IFT80: variants seen among roughly 807,000 people sequenced by gnomAD.
IFT80 encodes the protein intraflagellar transport protein 80 homolog.
A neutral mutation model predicts 107.9 loss-of-function variants in IFT80; 79 were observed. The observed-to-expected ratio is 0.73, with a 90% confidence interval of 0.61 to 0.88. The LOEUF (loss-of-function observed/expected upper bound fraction) is 0.88. IFT80 is among the 40% of genes least tolerant of loss of function. IFT80 has a pLI of 0.00. For synonymous variants in IFT80, 299 were observed against 300.9 expected (o/e 0.99, Z 0.07); for missense variants, 797 against 914.2 (o/e 0.87, Z 1.65).
chr3:160,316,363 A>G (rs540435857), intron 9 of IFT80, among the ~76,000 whole-genome samples: 2 of 152,334 alleles, frequency 1.3e-5, no homozygotes, highest in South Asian at 4.1e-4. Context: ...AGATAAAACT[A>G]AAGTCCTGGT....
At chr3:160,354,348 T>G (rs1720914318) in intron 8 of IFT80, among the ~76,000 whole-genome samples, 2 of 151,974 alleles carry the variant, frequency 1.3e-5, no homozygotes, top group Admixed American at 1.3e-4. Flanking sequence ...AGACAGGCCT[T>G]TAAGAATGAG....
At position 160,373,057 on chromosome 3, in the gene IFT80, T is replaced by C. The variant is rs145018682; in HGVS notation, c.439+2755A>G. Among the ~76,000 whole-genome samples the C allele has an allele frequency of 1.3e-3, 199 of 152,264 alleles. 1 individual carries two copies. The highest frequency in any genetic ancestry group is 4.6e-3 in the African/African-American group (191 of 41,564). On this transcript the variant is annotated intron_variant, in intron 5 of 19. Coordinates refer to ENST00000326448, the MANE Select transcript of IFT80 (RefSeq NM_020800.3). Reference sequence around the variant, plus strand: ...TTAGGCAATAGCTTCATCACTAGAATATCAAAAGCAGAAGCAAATTTTGTA... The same window carrying C: ...TTAGGCAATAGCTTCATCACTAGAACATCAAAAGCAGAAGCAAATTTTGTA...
rs138914096 is a variant in IFT80, at chr3:160,270,040, G to A, written c.2100-1504C>T. On this transcript the variant is annotated intron_variant, in intron 18 of 19. Coordinates refer to ENST00000326448, the MANE Select transcript of IFT80 (RefSeq NM_020800.3). ...TTTTTAGATGGAGTCTCATTCTGCC[G>A]CCCAGGCTGGAGTGCAGTGGCATGA... Among the ~76,000 whole-genome samples, 65 of 152,066 alleles carry A rather than the reference G, an allele frequency of 4.3e-4. 1 individual carries two copies. In the East Asian group the frequency reaches 9.5e-3, roughly 22 times the overall value.
intron 1 of IFT80, among the ~76,000 whole-genome samples, chr3:160,397,938 C>G (rs1196393377): frequency 6.6e-6 from 1 of 151,954 alleles, no homozygotes; most frequent in East Asian, 1.9e-4. Context: ...TCAGGCTGGT[C>G]TCGAACTCCC....
intron 19 of IFT80, among the ~76,000 whole-genome samples, chr3:160,263,283 C>T (rs1713010786): frequency 6.6e-6 from 1 of 152,156 alleles, no homozygotes; most frequent in African/African-American, 2.4e-5. Flanking sequence ...TAATCGTACC[C>T]TTTCCATTTC....
At chr3:160,291,579 G>C (rs754953155) in intron 12 of IFT80, among the ~76,000 whole-genome samples, 13 of 152,214 alleles carry the variant, frequency 8.5e-5, no homozygotes, top group Non-Finnish European at 1.6e-4. Context: ...CATTTTATTT[G>C]TAAGGCCATT....
chr3:160,307,901 A>G (rs1429793427), intron 9 of IFT80, 120 bp from the exon 10 acceptor site: 3 of 662,488 alleles, frequency 4.5e-6, no homozygotes, highest in Non-Finnish European at 8.1e-6. Context: ...CTAATCATAT[A>G]AAAAAGAATT....
intron 8 of IFT80, among the ~76,000 whole-genome samples, chr3:160,322,186 TC>T (rs1718286003): frequency 8.2e-6 from 1 of 121,900 alleles, no homozygotes. Context: ...CCCTCCTCCC[TC>T]CCCCGACCCC....
intron 19 of IFT80, among the ~76,000 whole-genome samples, chr3:160,258,988 G>C (rs899146958): frequency 8.6e-5 from 13 of 151,932 alleles, no homozygotes; most frequent in African/African-American, 2.9e-4. Context: ...CACACCTGTA[G>C]TCCCAGCTAT....
At chr3:160,360,929 G>C (rs527607411) in intron 6 of IFT80, among the ~76,000 whole-genome samples, 17 of 152,058 alleles carry the variant, frequency 1.1e-4, no homozygotes, top group Non-Finnish European at 2.2e-4. Context: ...GACCATTGAT[G>C]CTAGGAAGCA....
chr3:160,282,743 T>C (rs1382398687), intron 13 of IFT80, 130 bp from the exon 14 acceptor site: 2 of 656,600 alleles, frequency 3.0e-6, no homozygotes, highest in Non-Finnish European at 5.2e-6. Flanking sequence ...TGATAAAATG[T>C]CCCTGTTAAA....
At chr3:160,339,660 T>C (rs555695138) in intron 8 of IFT80, among the ~76,000 whole-genome samples, 1 of 152,174 alleles carries the variant, frequency 6.6e-6, no homozygotes, top group East Asian at 1.9e-4. Context: ...TTGATACAAA[T>C]AATTTCTAAA....
intron 8 of IFT80, 37 bp from the exon 9 acceptor site, chr3:160,319,976 G>GA: frequency 1.6e-5 from 25 of 1,569,862 alleles, no homozygotes; most frequent in South Asian, 8.0e-5. Context: ...TGGACTTACT[G>GA]AAAAAAAATT....
At chr3:160,375,920 T>C (rs1427866733) in intron 4 of IFT80, 40 bp from the exon 5 acceptor site, 6 of 1,313,880 alleles carry the variant, frequency 4.6e-6, no homozygotes, top group Middle Eastern at 1.9e-4. Context: ...TTTTTACCTA[T>C]AGAAAATAAA....
intron 18 of IFT80, among the ~76,000 whole-genome samples, chr3:160,269,737 C>T (rs949285606): frequency 6.6e-6 from 1 of 152,174 alleles, no homozygotes; most frequent in African/African-American, 2.4e-5. Flanking sequence ...CGGGAACAAT[C>T]CAGTGGACTA....
intron 8 of IFT80, among the ~76,000 whole-genome samples, chr3:160,321,646 TAATAC>T (rs1718227440): frequency 6.6e-6 from 1 of 151,858 alleles, no homozygotes; most frequent in African/African-American, 2.4e-5. Context: ...CAATGTCTAA[TAATAC>T]AATAGAACAA....
At chr3:160,273,857 C>A (rs1159658849) in intron 18 of IFT80, among the ~76,000 whole-genome samples, 1 of 152,128 alleles carries the variant, frequency 6.6e-6, no homozygotes, top group East Asian at 1.9e-4. Flanking sequence ...AGATCTCTAC[C>A]AGCACCTGAC....
At chr3:160,264,118 T>C (rs141903442) in intron 19 of IFT80, among the ~76,000 whole-genome samples, 77 of 150,002 alleles carry the variant, frequency 5.1e-4, no homozygotes, top group Non-Finnish European at 3.0e-4. Flanking sequence ...CAGGATTTTA[T>C]ATTTTTTGGG....
At chr3:160,337,461 A>C (rs1026779216) in intron 8 of IFT80, among the ~76,000 whole-genome samples, 20 of 151,980 alleles carry the variant, frequency 1.3e-4, no homozygotes, top group African/African-American at 4.6e-4. Flanking sequence ...CCATCTACTA[A>C]AAATACGAAA....
Sources: allele counts gnomAD v4.1 joint callset (sites outside exome capture counted in the v4.1 genomes callset), GRCh38; gene constraint gnomAD v4.1.1; transcripts MANE v1.5; gene names NCBI Gene and HGNC (gene_info 2026-07-23, HGNC 2026-07-21).